The following FYB1 variants were observed in gnomAD, a reference collection of about 807,000 sequenced individuals.
The protein encoded by FYB1 is FYN binding protein 1.
A neutral mutation model predicts 94.1 loss-of-function variants in FYB1; 41 were observed. The observed-to-expected ratio is 0.44, with a 90% CI of 0.34 to 0.57. The LOEUF (loss-of-function observed/expected upper bound fraction) is 0.57, where lower values mean the gene tolerates loss of function less well. FYB1 is among the 20% of genes least tolerant of loss of function. FYB1 has a pLI of 0.02. For missense variants in FYB1, 1,050 were observed against 976.8 expected, an observed-to-expected ratio of 1.07 and a Z score of -1.00; for synonymous variants, 367 against 353.2, an observed-to-expected ratio of 1.04 and a Z score of -0.44.
At chr5:39,134,816 A>G (rs1741521867) in intron 8 of FYB1, 39 bp downstream of exon 8, 1 of 1,609,390 alleles carries the variant, frequency 6.2e-7, no homozygotes, top group South Asian at 1.1e-5. Flanking sequence ...TTGCCTCGCA[A>G]AGAAAATACT....
chr5:39,211,790 A>G (rs1749418686), intron 1 of FYB1, among the ~76,000 whole-genome samples: 1 of 152,232 alleles, frequency 6.6e-6, no homozygotes, highest in African/African-American at 2.4e-5. Flanking sequence ...AACAAACACG[A>G]AAACATAGAC....
intron 14 of FYB1, among the ~76,000 whole-genome samples, chr5:39,121,780 A>T (rs1434303495): frequency 6.6e-6 from 1 of 152,142 alleles, no homozygotes; most frequent in Non-Finnish European, 1.5e-5. Context: ...TTTTTTTAAG[A>T]TTTGAATGTA....
intron 16 of FYB1, among the ~76,000 whole-genome samples, chr5:39,113,379 A>G (rs778655821): frequency 6.6e-6 from 1 of 152,156 alleles, no homozygotes; most frequent in Non-Finnish European, 1.5e-5. Context: ...ATTCTCACAT[A>G]CAATATGAAA....
intron 17 of FYB1, among the ~76,000 whole-genome samples, chr5:39,109,244 GGGA>G (rs1738830169): frequency 6.6e-6 from 1 of 151,916 alleles, no homozygotes; most frequent in African/African-American, 2.4e-5. Flanking sequence ...CTGAGATGGA[GGGA>G]GGGTTTGGCT....
intron 2 of FYB1, among the ~76,000 whole-genome samples, chr5:39,181,011 C>A (rs976354187): frequency 2.0e-5 from 3 of 152,170 alleles, no homozygotes; most frequent in African/African-American, 7.2e-5. Context: ...CCAATGCTTG[C>A]CAAGCACACA....
At chr5:39,254,062 A>G (rs1002595746) in intron 1 of FYB1, among the ~76,000 whole-genome samples, 1 of 152,146 alleles carries the variant, frequency 6.6e-6, no homozygotes, top group African/African-American at 2.4e-5. Context: ...TCTATGGTGT[A>G]TATGTACCAC....
intron 1 of FYB1, among the ~76,000 whole-genome samples, chr5:39,238,651 G>A (rs1434830820): frequency 6.6e-6 from 1 of 152,014 alleles, no homozygotes; most frequent in Non-Finnish European, 1.5e-5. Flanking sequence ...CCCTCAAAGT[G>A]TCTGCATACA....
intron 1 of FYB1, among the ~76,000 whole-genome samples, chr5:39,236,110 G>T (rs1475144832): frequency 6.6e-6 from 1 of 151,728 alleles, no homozygotes; most frequent in African/African-American, 2.4e-5. Context: ...AATTCTAGGT[G>T]TGCCACAAGA....
rs73072532 is a variant in FYB1, at chr5:39,219,524, A to C, written c.-109T>G. The C allele has an allele frequency of 3.0e-6, 3 of 985,300 alleles. No homozygotes were observed. Among genetic ancestry groups the C allele is most frequent in the Non-Finnish European group, 3.6e-6 (3 of 829,938 alleles). 61.0% of individuals were successfully genotyped at this position (985,300 alleles called of 1,614,324 possible). On this transcript the variant is annotated 5_prime_UTR_variant, in exon 1 of 19. It removes the in-frame stop codon of an upstream open reading frame in the 5' UTR. Transcript: ENST00000512982. ...CAGGGTCTGGGCCCTACTCACTTCT[A>C]GCTGTCGCATCTGCTCTGCATGTGG...
At chr5:39,151,402 G>C (rs982860281) in intron 3 of FYB1, among the ~76,000 whole-genome samples, 2 of 152,112 alleles carry the variant, frequency 1.3e-5, no homozygotes, top group African/African-American at 4.8e-5. Flanking sequence ...CAATTCTCCT[G>C]CCTCAGCCTC....
intron 3 of FYB1, among the ~76,000 whole-genome samples, chr5:39,143,445 T>A (rs1291419489): frequency 1.4e-5 from 2 of 146,212 alleles, no homozygotes; most frequent in South Asian, 4.2e-4. Flanking sequence ...AATAGGATTA[T>A]ATTATCTCTG....
At chr5:39,244,454 G>A (rs967087426) in intron 1 of FYB1, among the ~76,000 whole-genome samples, 12 of 152,164 alleles carry the variant, frequency 7.9e-5, no homozygotes, top group South Asian at 2.1e-4. Flanking sequence ...ATTGATTTTC[G>A]TATGTTGAAC....
At chr5:39,182,377 T>C (rs1428934330) in intron 2 of FYB1, among the ~76,000 whole-genome samples, 1 of 150,930 alleles carries the variant, frequency 6.6e-6, no homozygotes, top group Non-Finnish European at 1.5e-5. Context: ...CCGGTGCTAT[T>C]TGGTTATGTC....
At chr5:39,260,975 T>G (rs1579803588) in intron 1 of FYB1, among the ~76,000 whole-genome samples, 1 of 152,044 alleles carries the variant, frequency 6.6e-6, no homozygotes, top group Admixed American at 6.6e-5. Flanking sequence ...AAGGATTGTA[T>G]TAAATGGGCA....
chr5:39,253,076 T>G (rs1245465227), intron 1 of FYB1, among the ~76,000 whole-genome samples: 2 of 152,242 alleles, frequency 1.3e-5, no homozygotes, highest in African/African-American at 4.8e-5. Flanking sequence ...AACAATCCGA[T>G]TTTTTCTATT....
intron 1 of FYB1, among the ~76,000 whole-genome samples, chr5:39,235,165 G>A (rs1475473987): frequency 3.3e-5 from 5 of 152,030 alleles, no homozygotes; most frequent in African/African-American, 1.2e-4. Context: ...GTAGCTTGCG[G>A]GGTAGTGGAA....
chr5:39,219,998 A>G (rs567916141), upstream of FYB1, among the ~76,000 whole-genome samples: 3 of 152,272 alleles, frequency 2.0e-5, no homozygotes, highest in Admixed American at 6.5e-5. Context: ...GACCATATCA[A>G]CTGAAGAGTG....
At chr5:39,148,161 ATATATATATATATAT>A (rs1742891634) in intron 3 of FYB1, among the ~76,000 whole-genome samples, 1 of 6,620 alleles carries the variant, frequency 1.5e-4, no homozygotes, top group Non-Finnish European at 3.4e-4. Flanking sequence ...TTTTTTATAT[ATATATATATATATAT>A]ATATATATAT....
intron 1 of FYB1, among the ~76,000 whole-genome samples, chr5:39,271,498 T>C (rs1752662305): frequency 6.6e-6 from 1 of 152,208 alleles, no homozygotes; most frequent in Admixed American, 6.5e-5. Flanking sequence ...TTTTTGGTGG[T>C]TGCAAATTTC....
Sources: gnomAD v4.1 joint callset for allele counts (sites outside exome capture counted in the v4.1 genomes callset) on GRCh38, gnomAD v4.1.1 for gene constraint, MANE v1.5 for transcripts, NCBI Gene and HGNC (gene_info 2026-07-23, HGNC 2026-07-21) for gene names.